Variants in SPATC1L observed in about 807,000 individuals in gnomAD.
The protein encoded by SPATC1L is spermatogenesis and centriole associated 1 like.
Under a neutral mutation model 21.2 loss-of-function variants are expected in SPATC1L, and 20 were observed. The observed-to-expected ratio is 0.94, with a 90% CI of 0.66 to 1.37. The LOEUF (loss-of-function observed/expected upper bound fraction) is 1.37. Ranked by LOEUF, SPATC1L falls within the 40% of genes most tolerant of loss-of-function variation. The probability of loss-of-function intolerance (pLI) is 0.00; values close to 1 mark genes in which losing one functional copy is unlikely to be tolerated. For missense variants in SPATC1L, 499 were observed against 478.7 expected, an observed-to-expected ratio of 1.04 and a Z score of -0.40; for synonymous variants, 290 against 234.5, an observed-to-expected ratio of 1.24 and a Z score of -2.16.
At position 46,169,232 on chromosome 21, in the gene SPATC1L, G is replaced by A. The variant is rs141116527; in HGVS notation, c.194-574C>T. On this transcript the variant is annotated intron_variant, in intron 2 of 4. Transcript: ENST00000291672. ...ACACACAGCTGTAATTGGCCTCCCG[G>A]GAGGAGCCTTCTGCTCTGTGAGCAT... Among the ~76,000 whole-genome samples the A allele has an allele frequency of 4.9e-3, 746 of 152,298 alleles. 11 individuals are homozygous for A. The highest frequency in any genetic ancestry group is 0.017 in the African/African-American group (702 of 41,536).
intron 2 of SPATC1L, among the ~76,000 whole-genome samples, chr21:46,174,976 G>A (rs1305309689): frequency 6.6e-6 from 1 of 152,064 alleles, no homozygotes; most frequent in African/African-American, 2.4e-5. Flanking sequence ...AGACGACAAC[G>A]GACCCAGTTA....
intron 3 of SPATC1L, among the ~76,000 whole-genome samples, chr21:46,165,570 G>A (rs527692735): frequency 8.3e-6 from 1 of 121,122 alleles, no homozygotes; most frequent in South Asian, 2.6e-4. Context: ...ATATGAGTAT[G>A]AGTCCTTTCC....
At position 46,169,402 on chromosome 21, in the gene SPATC1L, T is replaced by G. The variant is rs576906332; in HGVS notation, c.194-744A>C. On this transcript the variant is annotated intron_variant, in intron 2 of 4. Coordinates refer to ENST00000291672, the MANE Select transcript of SPATC1L (RefSeq NM_001142854.2). ...TCTGTGGATGGGGAGGAGCCCCTGC[T>G]CTGTGAGCATCCTCTGTGGATGGGG... is the stretch of plus-strand genomic sequence containing the variant. 2.3e-3 allele frequency among the ~76,000 whole-genome samples: 208 copies of G among 90,636 alleles called. 22 individuals carry two copies. Among genetic ancestry groups the G allele is most frequent in the African/African-American group, 9.5e-3 (193 of 20,414 alleles). The allele number at this position is 90,636 out of a possible 152,430, so 59.5% of individuals were successfully genotyped here.
chr21:46,167,023 G>C (rs1342899901), intron 3 of SPATC1L, among the ~76,000 whole-genome samples: 1 of 152,144 alleles, frequency 6.6e-6, no homozygotes, highest in Admixed American at 6.5e-5. Flanking sequence ...CATATGCTAG[G>C]CTGCAAAACA....
At chr21:46,171,103 C>T (rs896031713) in intron 2 of SPATC1L, among the ~76,000 whole-genome samples, 1 of 152,246 alleles carries the variant, frequency 6.6e-6, no homozygotes, top group African/African-American at 2.4e-5. Flanking sequence ...GCTTTCCACA[C>T]CAAGGGGGAG....
In SPATC1L at chr21:46,182,623, C is replaced by CCTCCG; in HGVS notation, c.189_193dup (p.Val65AlafsTer75). On this transcript the variant is annotated frameshift_variant and splice_region_variant. Transcript: ENST00000291672. LOFTEE classifies it high-confidence loss of function. ...GCCATCTGAGCTGGGCGGCGCCTCA[C>CCTCCG]CTCCGCTCCCGGGGGAGCCGGCCTC... 6.7e-7 allele frequency: 1 copy of CCTCCG among 1,499,000 alleles called. No individual in the cohort carries two copies. The highest frequency in any genetic ancestry group is 8.9e-7 in the Non-Finnish European group (1 of 1,124,122). The allele number at this position is 1,499,000 out of a possible 1,614,324, so 92.9% of individuals were successfully genotyped here. A position where few individuals can be genotyped will look rare whatever the true frequency, so the allele number is the denominator to read the frequency against.
chr21:46,161,901 C>T lies in SPATC1L; in HGVS notation c.696+15G>A. 6.2e-7 allele frequency: 1 copy of T among 1,603,204 alleles called. No homozygotes were observed. Among genetic ancestry groups the T allele is most frequent in the Non-Finnish European group, 8.5e-7 (1 of 1,178,784 alleles). ...CCCCGCACCCTCCTGGCCGCGCCCT[C>T]CCCACGGGGCGCACCTGCTCGATCT... On this transcript the variant is annotated intron_variant, in intron 4 of 4. Transcript: ENST00000291672.
chr21:46,178,280 C>CATGAACAT (rs1201940228), intron 2 of SPATC1L, among the ~76,000 whole-genome samples: 1 of 147,530 alleles, frequency 6.8e-6, no homozygotes, highest in African/African-American at 2.5e-5. Context: ...ATATCCTTTG[C>CATGAACAT]ATGAACATGG....
intron 2 of SPATC1L, among the ~76,000 whole-genome samples, chr21:46,174,314 C>G (rs2079613185): frequency 7.7e-6 from 1 of 129,552 alleles, no homozygotes; most frequent in African/African-American, 3.1e-5. Context: ...GCCTGGGAGA[C>G]AGAGCAAGAC....
chr21:46,172,026 C>T (rs1428337834), intron 2 of SPATC1L, among the ~76,000 whole-genome samples: 5 of 95,246 alleles, frequency 5.2e-5, no homozygotes, highest in Admixed American at 1.3e-4. Flanking sequence ...ACACACAGCA[C>T]GAGGCAGGAG....
chr21:46,174,432 A>G (rs146095709), intron 2 of SPATC1L, among the ~76,000 whole-genome samples: 3 of 152,268 alleles, frequency 2.0e-5, no homozygotes, highest in East Asian at 1.9e-4. Context: ...CTCACATGCA[A>G]TAACACAAAT....
rs11909543 is a variant in SPATC1L, at chr21:46,168,732, G to C, written c.194-74C>G. ...CATTCCTGGGAAGTATAAAGAACAT[G>C]TTAACAACCCCTATGCACCCCACCC... On this transcript the variant is annotated intron_variant, in intron 2 of 4. Transcript: ENST00000291672. 1.0e-5 allele frequency: 11 copies of C among 1,074,380 alleles called. No individual in the cohort carries two copies. The East Asian group carries it at 3.3e-4, about 32-fold the overall frequency. The allele number at this position is 1,074,380 out of a possible 1,614,324, so 66.6% of individuals were successfully genotyped here. A position where few individuals can be genotyped will look rare whatever the true frequency, so the allele number is the denominator to read the frequency against.
intron 2 of SPATC1L, among the ~76,000 whole-genome samples, chr21:46,179,042 T>C (rs1350896194): frequency 2.0e-5 from 3 of 150,292 alleles, no homozygotes; most frequent in Non-Finnish European, 4.4e-5. Flanking sequence ...AGTTTGGGAC[T>C]GGCCTGGGCA....
intron 2 of SPATC1L, 122 bp downstream of exon 2, chr21:46,182,502 G>C: frequency 1.1e-6 from 1 of 886,260 alleles, no homozygotes; most frequent in Non-Finnish European, 1.6e-6. Flanking sequence ...TCAGACCTGA[G>C]GGTGTGAAAG....
At chr21:46,163,799 A>G (rs2079520260) in intron 3 of SPATC1L, among the ~76,000 whole-genome samples, 1 of 152,130 alleles carries the variant, frequency 6.6e-6, no homozygotes, top group Admixed American at 6.5e-5. Flanking sequence ...CTTTTTCAAG[A>G]TCGTTTTACT....
intron 3 of SPATC1L, among the ~76,000 whole-genome samples, chr21:46,165,649 C>G (rs568574885): frequency 6.6e-6 from 1 of 151,996 alleles, no homozygotes; most frequent in East Asian, 1.9e-4. Context: ...GGAGTCCTTT[C>G]CCTCCTCCTA....
At position 46,168,634 on chromosome 21, in the gene SPATC1L, C is replaced by T. The variant is rs1360940616; in HGVS notation, c.218G>A (p.Ser73Asn). Residue 73 changes from serine (S) to asparagine (N), a missense_variant, in exon 3 of 5, where the codon AGT becomes AAT. Ser to Asn is a conservative substitution (Grantham distance 46). Coordinates refer to ENST00000291672, the MANE Select transcript of SPATC1L (RefSeq NM_001142854.2). ...SGVPDFGRFT[S>N]VADTPSQLQT... The stretch of plus-strand genomic sequence containing the variant: ...CAGTTGGGAGGGCGTGTCGGCAACA[C>T]TCGTGAACCTTCCGAAATCTGGAAC... The T allele has an allele frequency of 7.2e-7, 1 of 1,383,736 alleles. No homozygotes were observed. The highest frequency in any genetic ancestry group is 3.0e-5 in the Admixed American group (1 of 33,860). The allele number at this position is 1,383,736 out of a possible 1,614,324, so 85.7% of individuals were successfully genotyped here. A position where few individuals can be genotyped will look rare whatever the true frequency, so the allele number is the denominator to read the frequency against.
chr21:46,168,548 TGTC>T lies in SPATC1L; in HGVS notation c.301_303del (p.Asp101del). The T allele has an allele frequency of 6.6e-7, 1 of 1,505,912 alleles. No homozygotes were observed. The highest frequency in any genetic ancestry group is 9.0e-7 in the Non-Finnish European group (1 of 1,114,486). 93.3% of individuals were successfully genotyped at this position (1,505,912 alleles called of 1,614,324 possible). On this transcript the variant is annotated inframe_deletion, in exon 3 of 5. Coordinates refer to ENST00000291672, the MANE Select transcript of SPATC1L (RefSeq NM_001142854.2). ...GAGGGGGCTGCACAGCCCGGGGAGGTGTCGTCCTCGCTGGACAGGGGGGCATGT... is the reference window on the plus strand; with the variant it reads ...GAGGGGGCTGCACAGCCCGGGGAGGTGTCCTCGCTGGACAGGGGGGCATGT...
chr21:46,163,601 G>A (rs1415041029), intron 3 of SPATC1L, among the ~76,000 whole-genome samples: 1 of 152,182 alleles, frequency 6.6e-6, no homozygotes, highest in Non-Finnish European at 1.5e-5. Context: ...GCGTTAGACA[G>A]TATTCAGTCC....
Sources: allele counts gnomAD v4.1 joint callset (sites outside exome capture counted in the v4.1 genomes callset), GRCh38; gene constraint gnomAD v4.1.1; transcripts MANE v1.5; gene names NCBI Gene and HGNC (gene_info 2026-07-23, HGNC 2026-07-21).